ZNF773: variants seen among roughly 807,000 people sequenced by gnomAD.
ZNF773 encodes zinc finger protein 773, also known as zinc finger protein 419B.
A neutral mutation model predicts 12.8 loss-of-function variants in ZNF773; 11 were observed. That is an observed-to-expected ratio of 0.86 (90% CI 0.54 to 1.42). ZNF773 has a LOEUF of 1.42. Among genes scored for constraint, ZNF773 ranks in the 40% most tolerant of loss-of-function variants. The probability of loss-of-function intolerance (pLI) is 0.00; values close to 1 mark genes in which losing one functional copy is unlikely to be tolerated. For synonymous variants in ZNF773, 175 were observed against 178.4 expected, an observed-to-expected ratio of 0.98 and a Z score of 0.15; for missense variants, 518 against 527.2, an observed-to-expected ratio of 0.98 and a Z score of 0.17.
rs368836011 is a variant in ZNF773 at position 57,500,045 on chromosome 19, C to T, written c.-36C>T. 8.6e-4 allele frequency: 1,345 copies of T among 1,566,692 alleles called. 2 individuals are homozygous for T. The highest frequency in any genetic ancestry group is 1.5e-3 in the Admixed American group (80 of 54,494). ...GGCGGCGCCCAGGGTGGCCCGGGCC[C>T]TTTCCTCGGTCGTTGTCTCACCGCC... is the stretch of plus-strand genomic sequence containing the variant. On this transcript the variant is annotated 5_prime_UTR_variant, in exon 1 of 4. Transcript: ENST00000282292.
chr19:57,503,910 C>G (rs112377180), intron 1 of ZNF773, among the ~76,000 whole-genome samples: 31,459 of 151,970 alleles, frequency 0.21, 3,381 homozygotes, highest in African/African-American at 0.25. Flanking sequence ...CACCTGCCTC[C>G]GCCTCCAAAA....
At chr19:57,516,512 G>C (rs1241395517), downstream of ZNF773, 3 of 152,270 alleles carry the variant, frequency 2.0e-5, no homozygotes, top group Non-Finnish European at 4.4e-5. Flanking sequence ...CAGAACAATG[G>C]TATCAATTAT....
intron 3 of ZNF773, 125 bp from the exon 4 acceptor site, chr19:57,506,233 C>T (rs998604129): frequency 8.3e-6 from 12 of 1,453,648 alleles, no homozygotes; most frequent in Admixed American, 4.5e-5. Flanking sequence ...CCCCACCAAG[C>T]GCTAGCCCCC....
downstream of ZNF773, chr19:57,508,437 A>G (rs1227725338): frequency 3.0e-6 from 2 of 659,090 alleles, no homozygotes; most frequent in Non-Finnish European, 5.5e-6. Flanking sequence ...TGAATGTTAG[A>G]TCTTCTTTAA....
chr19:57,511,270 C>T (rs906234275), downstream of ZNF773, among the ~76,000 whole-genome samples: 60 of 152,166 alleles, frequency 3.9e-4, no homozygotes, highest in Non-Finnish European at 5.7e-4. Context: ...CCAAGATGGT[C>T]TCGATCTCCT....
intron 3 of ZNF773, among the ~76,000 whole-genome samples, chr19:57,506,095 T>C (rs1054201923): frequency 2.0e-5 from 3 of 152,200 alleles, no homozygotes; most frequent in Non-Finnish European, 4.4e-5. Flanking sequence ...GAAAGCCATT[T>C]GCAGAGGATT....
At position 57,507,503 on chromosome 19, in the gene ZNF773, A is replaced by G; in HGVS notation, c.*79A>G. 2.0e-6 allele frequency: 3 copies of G among 1,506,200 alleles called. No individual in the cohort carries two copies. The highest frequency in any genetic ancestry group is 2.6e-6 in the Non-Finnish European group (3 of 1,132,816). The allele number at this position is 1,506,200 out of a possible 1,614,324, so 93.3% of individuals were successfully genotyped here. A position where few individuals can be genotyped will look rare whatever the true frequency, so the allele number is the denominator to read the frequency against. ...ACAGTGTAAAAAAGTCTTGAAGGTTACTAATGGAAATCCATTAGCTATACC... is the reference window on the plus strand; with the variant it reads ...ACAGTGTAAAAAAGTCTTGAAGGTTGCTAATGGAAATCCATTAGCTATACC... On this transcript the variant is annotated 3_prime_UTR_variant, in exon 4 of 4. Transcript: ENST00000282292.
downstream of ZNF773, chr19:57,513,785 G>C (rs1255784101): frequency 1.3e-5 from 2 of 152,258 alleles, no homozygotes; most frequent in African/African-American, 2.4e-5. Context: ...ACTGCTACAT[G>C]ATTTGAGAGC....
At chr19:57,518,123 A>G (rs1463952879), downstream of ZNF773, 1 of 153,128 alleles carries the variant, frequency 6.5e-6, no homozygotes, top group Non-Finnish European at 1.5e-5. Context: ...ATACCACTGG[A>G]GGCTATATGA....
At chr19:57,511,051 A>AT (rs367977180), downstream of ZNF773, among the ~76,000 whole-genome samples, 30,267 of 136,614 alleles carry the variant, frequency 0.22, 3,221 homozygotes, top group African/African-American at 0.27. Context: ...ATTTTATTTT[A>AT]TTTATTTTTT....
downstream of ZNF773, chr19:57,508,392 C>A: frequency 1.6e-6 from 1 of 634,472 alleles, no homozygotes; most frequent in Non-Finnish European, 2.7e-6. Context: ...AAGGAGTGGT[C>A]TCGATTCAGA....
In ZNF773 at chr19:57,505,316, A is replaced by G. The variant is rs141116002; in HGVS notation, c.178A>G (p.Lys60Glu). ...LLASLGLASSKTHEITQLESW... is the reference protein window; with the variant it reads ...LLASLGLASSETHEITQLESW... ...GTTTTCCTTAGGACTTGCATCTTCC[A>G]AGACCCATGAAATAACCCAGCTGGA... Residue 60 changes from lysine (K) to glutamate (E), a missense_variant, in exon 3 of 4, where the codon AAG (lysine) becomes GAG (glutamate). By Grantham distance (56) the Lys-to-Glu change is moderately conservative (BLOSUM62 1). Coordinates refer to ENST00000282292, the MANE Select transcript of ZNF773 (RefSeq NM_198542.3). 190 of 1,614,002 alleles carry G rather than the reference A, an allele frequency of 1.2e-4. No homozygotes were observed. The highest frequency in any genetic ancestry group is 1.8e-5 in the Non-Finnish European group (21 of 1,180,010).
At position 57,507,070 on chromosome 19, in the gene ZNF773, C is replaced by T; in HGVS notation, c.975C>T (p.His325=). The T allele has an allele frequency of 6.2e-7, 1 of 1,614,184 alleles. No individual in the cohort carries two copies. The highest frequency in any genetic ancestry group is 8.5e-7 in the Non-Finnish European group (1 of 1,180,036). ...NSSLMKHQRV[H]TGERPYKCSE... The stretch of plus-strand genomic sequence containing the variant: ...GCCTCATGAAACATCAGAGAGTTCA[C>T]ACTGGAGAAAGACCTTATAAGTGCA... Residue 325 remains histidine (H), a synonymous_variant, in exon 4 of 4, where the codon CAC becomes CAT. Coordinates refer to ENST00000282292, the MANE Select transcript of ZNF773 (RefSeq NM_198542.3).
intron 2 of ZNF773, 179 bp from the exon 3 acceptor site, chr19:57,505,123 A>G (rs1408756937): frequency 1.3e-6 from 1 of 770,066 alleles, no homozygotes; most frequent in Non-Finnish European, 2.3e-6. Context: ...TAGCCAACAT[A>G]CCTGGGTGTC....
chr19:57,502,482 A>C (rs1487354476), intron 1 of ZNF773, among the ~76,000 whole-genome samples: 2 of 152,074 alleles, frequency 1.3e-5, no homozygotes, highest in Non-Finnish European at 2.9e-5. Context: ...TTTTTCCTGG[A>C]TATCAGGAAG....
chr19:57,506,343 T>C lies in ZNF773; in HGVS notation c.263-15T>C, dbSNP rs2089733165. On this transcript the variant is annotated splice_polypyrimidine_tract_variant and intron_variant, in intron 3 of 3. Transcript: ENST00000282292. ...AAAGACTACATTTACTTCATCAACATTTCTCTTCTTTCAGGTAGTTGGCAA... is the reference window on the plus strand; with the variant it reads ...AAAGACTACATTTACTTCATCAACACTTCTCTTCTTTCAGGTAGTTGGCAA... 6 of 1,596,170 alleles carry C rather than the reference T, an allele frequency of 3.8e-6. No homozygotes were observed. The highest frequency in any genetic ancestry group is 1.8e-5 in the Admixed American group (1 of 55,910).
At chr19:57,515,135 A>G (rs143171681), downstream of ZNF773, 2 of 152,320 alleles carry the variant, frequency 1.3e-5, no homozygotes, top group African/African-American at 4.8e-5. Flanking sequence ...GACTGCCACT[A>G]TTAAAAGCAC....
At chr19:57,513,112 T>C, downstream of ZNF773, 1 of 1,464,102 alleles carries the variant, frequency 6.8e-7, no homozygotes, top group Non-Finnish European at 9.1e-7. Flanking sequence ...ACCAGAAGAA[T>C]GAGAAACCCC....
intron 1 of ZNF773, among the ~76,000 whole-genome samples, chr19:57,504,286 G>A (rs1439656092): frequency 2.0e-5 from 3 of 152,192 alleles, no homozygotes; most frequent in East Asian, 3.9e-4. Flanking sequence ...GTGGTACAGA[G>A]TATGTGCACA....
Sources: allele counts gnomAD v4.1 joint callset (sites outside exome capture counted in the v4.1 genomes callset), GRCh38; gene constraint gnomAD v4.1.1; transcripts MANE v1.5; gene names NCBI Gene and HGNC (gene_info 2026-07-23, HGNC 2026-07-21).